Variants in FAM174A observed in about 807,000 individuals in gnomAD.
The protein encoded by FAM174A is membrane protein FAM174A.
FAM174A carries 14 observed loss-of-function variants against 14.3 expected under a neutral mutation model. That is an observed-to-expected ratio of 0.98 (90% CI 0.65 to 1.53). FAM174A has a LOEUF of 1.53. FAM174A is among the 40% of genes most tolerant of loss of function. The probability of loss-of-function intolerance (pLI) is 0.00; values close to 1 mark genes in which losing one functional copy is unlikely to be tolerated. For missense variants in FAM174A, 241 were observed against 249.6 expected (o/e 0.97, Z 0.23); for synonymous variants, 108 against 111.4 (o/e 0.97, Z 0.19).
At chr5:100,570,917 TA>T (rs1746765354) in intron 2 of FAM174A, among the ~76,000 whole-genome samples, 1 of 151,942 alleles carries the variant, frequency 6.6e-6, no homozygotes, top group African/African-American at 2.4e-5. Flanking sequence ...AATTTTATCA[TA>T]TACTTTTTCT....
intron 2 of FAM174A, among the ~76,000 whole-genome samples, chr5:100,572,000 G>A (rs1027184954): frequency 1.3e-5 from 2 of 151,752 alleles, no homozygotes; most frequent in African/African-American, 4.8e-5. Flanking sequence ...TGCAGTTTGG[G>A]TTTTACCATT....
intron 2 of FAM174A, among the ~76,000 whole-genome samples, chr5:100,571,150 G>A (rs1415877804): frequency 8.1e-6 from 1 of 124,218 alleles, no homozygotes; most frequent in Non-Finnish European, 1.8e-5. Flanking sequence ...ATATATGTGT[G>A]TGTATATATA....
chr5:100,548,812 A>G (rs1430728758), intron 1 of FAM174A, among the ~76,000 whole-genome samples: 1 of 152,162 alleles, frequency 6.6e-6, no homozygotes, highest in East Asian at 1.9e-4. Context: ...TTTTACATCT[A>G]GAATTCAAAT....
rs573800781 is a variant in FAM174A at position 100,563,080 on chromosome 5, GTCTA to G, written c.569+895_569+898del. Among the ~76,000 whole-genome samples the G allele has an allele frequency of 8.6e-5, 13 of 151,910 alleles. No individual in the cohort carries two copies. The South Asian group carries it at 2.5e-3, about 29-fold the overall frequency. On this transcript the variant is annotated intron_variant, in intron 2 of 2. Transcript: ENST00000312637. ...TATATCTATATTTATATCTATATAT[GTCTA>G]TCCATCTATCTATCTAAGCTGTTTA...
chr5:100,551,833 T>A (rs1047118283), intron 1 of FAM174A, among the ~76,000 whole-genome samples: 3 of 152,154 alleles, frequency 2.0e-5, no homozygotes, highest in African/African-American at 4.8e-5. Flanking sequence ...CCTGTGTGCG[T>A]GTCTGTCTCC....
intron 2 of FAM174A, among the ~76,000 whole-genome samples, chr5:100,565,613 T>G (rs558660008): frequency 1.8e-4 from 28 of 151,896 alleles, no homozygotes; most frequent in Admixed American, 3.3e-4. Flanking sequence ...TATAATTACC[T>G]TATGATTTAG....
chr5:100,574,393 G>T lies in FAM174A; in HGVS notation c.570-11788G>T, dbSNP rs1580377040. ...AGTAGAGACAGGGTTTTACCTTGTT[G>T]GCCAGGCTGGTCTCAAACTCCTGGG... On this transcript the variant is annotated intron_variant, in intron 2 of 2. Coordinates refer to ENST00000312637, the MANE Select transcript of FAM174A (RefSeq NM_198507.3). 2.6e-5 allele frequency among the ~76,000 whole-genome samples: 4 copies of T among 152,012 alleles called. 1 individual carries two copies. Among genetic ancestry groups the T allele is most frequent in the Admixed American group, 2.6e-4 (4 of 15,246 alleles).
chr5:100,565,598 A>G (rs1746626754), intron 2 of FAM174A, among the ~76,000 whole-genome samples: 1 of 151,870 alleles, frequency 6.6e-6, no homozygotes, highest in Non-Finnish European at 1.5e-5. Flanking sequence ...TCAATAAATT[A>G]AAAATATAAT....
At chr5:100,548,864 C>T (rs1746210687) in intron 1 of FAM174A, among the ~76,000 whole-genome samples, 1 of 151,932 alleles carries the variant, frequency 6.6e-6, no homozygotes, top group Admixed American at 6.6e-5. Context: ...TTTTTAATAC[C>T]TCTGTCTCAT....
chr5:100,539,374 A>G (rs1234695086), intron 1 of FAM174A, among the ~76,000 whole-genome samples: 2 of 152,158 alleles, frequency 1.3e-5, no homozygotes, highest in African/African-American at 2.4e-5. Flanking sequence ...TGCAGATCCT[A>G]TTAATACATA....
At chr5:100,569,056 A>G (rs1468796857) in intron 2 of FAM174A, among the ~76,000 whole-genome samples, 2 of 151,954 alleles carry the variant, frequency 1.3e-5, no homozygotes, top group Non-Finnish European at 2.9e-5. Context: ...TGTCTTGTAT[A>G]CTTTCCACTC....
At chr5:100,548,275 A>G (rs796864408) in intron 1 of FAM174A, among the ~76,000 whole-genome samples, 4 of 152,272 alleles carry the variant, frequency 2.6e-5, no homozygotes, top group South Asian at 2.1e-4. Flanking sequence ...TTAAGCCAGA[A>G]GAAGAAAGTT....
intron 2 of FAM174A, chr5:100,581,293 GT>G: frequency 1.3e-6 from 1 of 774,646 alleles, no homozygotes; most frequent in Non-Finnish European, 1.6e-6. Context: ...TCTCCAGAGA[GT>G]AGGAATCCTT....
chr5:100,569,669 G>A (rs1416952418), intron 2 of FAM174A, among the ~76,000 whole-genome samples: 1 of 151,808 alleles, frequency 6.6e-6, no homozygotes, highest in Non-Finnish European at 1.5e-5. Flanking sequence ...ATCCTACTGG[G>A]CAGAGCAAAT....
At chr5:100,536,227 C>T (rs572448271) in intron 1 of FAM174A, among the ~76,000 whole-genome samples, 1 of 152,324 alleles carries the variant, frequency 6.6e-6, no homozygotes, top group South Asian at 2.1e-4. Context: ...CCTCAAAGGG[C>T]ACCCTTTCTC....
chr5:100,544,153 G>C (rs1746120283), intron 1 of FAM174A, among the ~76,000 whole-genome samples: 1 of 152,116 alleles, frequency 6.6e-6, no homozygotes, highest in Admixed American at 6.6e-5. Context: ...CTTGAATCCA[G>C]GGGTTGAGAC....
At chr5:100,562,602 G>C (rs1406228034) in intron 2 of FAM174A, among the ~76,000 whole-genome samples, 1 of 151,496 alleles carries the variant, frequency 6.6e-6, no homozygotes, top group Non-Finnish European at 1.5e-5. Flanking sequence ...ATGTGTGTTT[G>C]TGTGCGTGTG....
chr5:100,576,606 T>C (rs1746910708), intron 2 of FAM174A, among the ~76,000 whole-genome samples: 2 of 152,136 alleles, frequency 1.3e-5, no homozygotes, highest in South Asian at 4.1e-4. Flanking sequence ...GGAAGTACCA[T>C]GATTAGTTCA....
intron 2 of FAM174A, among the ~76,000 whole-genome samples, chr5:100,584,887 T>A (rs1747095905): frequency 6.6e-6 from 1 of 152,206 alleles, no homozygotes. Flanking sequence ...CTTTTTTTTT[T>A]TGTAATGTCA....
Sources: gnomAD v4.1 joint callset for allele counts (sites outside exome capture counted in the v4.1 genomes callset) on GRCh38, gnomAD v4.1.1 for gene constraint, MANE v1.5 for transcripts, NCBI Gene and HGNC (gene_info 2026-07-23, HGNC 2026-07-21) for gene names.